The following DOCK2 variants were observed in gnomAD, a reference collection of about 807,000 sequenced individuals.
DOCK2 encodes the protein dedicator of cytokinesis protein 2.
A neutral mutation model predicts 248.9 loss-of-function variants in DOCK2; 87 were observed. The ratio of observed to expected loss-of-function variants is 0.35; its 90% CI spans 0.29 to 0.42. The LOEUF (loss-of-function observed/expected upper bound fraction) is 0.42, where lower values mean the gene tolerates loss of function less well. Among genes scored for constraint, DOCK2 ranks in the 10% least tolerant of loss-of-function variants. DOCK2 has a pLI of 1.00. For missense variants in DOCK2, 1,747 were observed against 2,300.2 expected (o/e 0.76, Z 4.92); for synonymous variants, 805 against 821.6 (o/e 0.98, Z 0.35).
chr5:169,857,404 A>G (rs1406823712), intron 27 of DOCK2, among the ~76,000 whole-genome samples: 1 of 152,186 alleles, frequency 6.6e-6, no homozygotes, highest in Non-Finnish European at 1.5e-5. Flanking sequence ...AGCAAACATT[A>G]GTGTCTTTTT....
At chr5:169,801,876 A>G (rs544086738) in intron 25 of DOCK2, among the ~76,000 whole-genome samples, 12 of 150,564 alleles carry the variant, frequency 8.0e-5, no homozygotes, top group Non-Finnish European at 1.8e-4. Context: ...GCAGAACCAC[A>G]TCTTATCTCT....
chr5:169,923,397 T>C (rs907070425), intron 27 of DOCK2, among the ~76,000 whole-genome samples: 9 of 152,254 alleles, frequency 5.9e-5, no homozygotes, highest in African/African-American at 2.2e-4. Context: ...GGCTCTAGTA[T>C]AGGATTTCAG....
At chr5:169,987,057 G>A (rs1778085381) in intron 29 of DOCK2, among the ~76,000 whole-genome samples, 1 of 152,344 alleles carries the variant, frequency 6.6e-6, no homozygotes, top group Admixed American at 6.5e-5. Context: ...CTTCAGGCAT[G>A]GATGTATCTA....
intron 32 of DOCK2, among the ~76,000 whole-genome samples, chr5:170,012,921 G>T (rs1030476018): frequency 2.6e-5 from 4 of 152,094 alleles, no homozygotes; most frequent in Admixed American, 6.6e-5. Context: ...GCCAAGCCTC[G>T]AGGGCAATTT....
chr5:169,644,149 A>T (rs528734493), intron 1 of DOCK2, among the ~76,000 whole-genome samples: 9 of 152,110 alleles, frequency 5.9e-5, no homozygotes, highest in Non-Finnish European at 1.2e-4. Context: ...CCTCGTAGGT[A>T]TTGTGAGGTC....
At chr5:169,828,953 A>G (rs1348668150) in intron 26 of DOCK2, among the ~76,000 whole-genome samples, 2 of 152,242 alleles carry the variant, frequency 1.3e-5, no homozygotes, top group Admixed American at 1.3e-4. Flanking sequence ...TATTTGTTTA[A>G]CAGTGTAAGA....
At chr5:169,674,984 T>G (rs1165128626) in intron 6 of DOCK2, among the ~76,000 whole-genome samples, 2 of 152,238 alleles carry the variant, frequency 1.3e-5, no homozygotes, top group African/African-American at 4.8e-5. Context: ...CCACTGATAA[T>G]AACATTATAA....
chr5:169,997,531 A>G (rs1754689759), intron 30 of DOCK2, among the ~76,000 whole-genome samples: 2 of 134,600 alleles, frequency 1.5e-5, no homozygotes, highest in African/African-American at 3.0e-5. Flanking sequence ...TCCTAGGCAG[A>G]GGTCCCTGCG....
At chr5:169,776,034 G>T (rs1765364399) in intron 25 of DOCK2, among the ~76,000 whole-genome samples, 1 of 151,782 alleles carries the variant, frequency 6.6e-6, no homozygotes, top group Non-Finnish European at 1.5e-5. Context: ...TGAGTTGATT[G>T]TAAGACATTT....
intron 27 of DOCK2, among the ~76,000 whole-genome samples, chr5:169,945,234 G>T (rs1425646395): frequency 6.6e-6 from 1 of 152,232 alleles, no homozygotes; most frequent in African/African-American, 2.4e-5. Context: ...ACCTCTCCAG[G>T]ACTGTGTTAT....
chr5:169,940,831 C>T (rs1157674666), intron 27 of DOCK2, among the ~76,000 whole-genome samples: 1 of 152,234 alleles, frequency 6.6e-6, no homozygotes, highest in African/African-American at 2.4e-5. Flanking sequence ...CGGTTCCTAC[C>T]TGGCCACAGA....
At chr5:169,739,395 T>C (rs971858222) in intron 22 of DOCK2, among the ~76,000 whole-genome samples, 4 of 152,202 alleles carry the variant, frequency 2.6e-5, no homozygotes, top group Admixed American at 6.5e-5. Context: ...ATGAGAAATT[T>C]CAGGAAAGGC....
chr5:169,671,403 G>A (rs1328189033), intron 5 of DOCK2, among the ~76,000 whole-genome samples: 1 of 152,158 alleles, frequency 6.6e-6, no homozygotes, highest in South Asian at 2.1e-4. Context: ...GTGAACCTTC[G>A]GTGTTTAGTG....
At chr5:170,050,459 C>G in intron 41 of DOCK2, 62 bp downstream of exon 41, 1 of 1,537,750 alleles carries the variant, frequency 6.5e-7, no homozygotes, top group Non-Finnish European at 8.7e-7. Context: ...AGGGCTGCAG[C>G]CCACAAAGAC....
intron 28 of DOCK2, among the ~76,000 whole-genome samples, chr5:169,984,969 A>G (rs1159174059): frequency 1.3e-5 from 2 of 152,154 alleles, no homozygotes; most frequent in East Asian, 3.8e-4. Flanking sequence ...ACCAGGCTGG[A>G]GAGCAGTGGC....
At chr5:169,918,467 C>T (rs982100181) in intron 27 of DOCK2, among the ~76,000 whole-genome samples, 9 of 152,168 alleles carry the variant, frequency 5.9e-5, no homozygotes, top group South Asian at 2.1e-4. Flanking sequence ...AAATGAACTA[C>T]AGAATATTCA....
intron 2 of DOCK2, among the ~76,000 whole-genome samples, chr5:169,658,880 A>G (rs1377467467): frequency 6.6e-6 from 1 of 151,880 alleles, no homozygotes; most frequent in Non-Finnish European, 1.5e-5. Context: ...AATAAGGCAA[A>G]AAAAGTATGA....
chr5:169,696,039 C>A (rs1760604581), intron 10 of DOCK2, 101 bp downstream of exon 10: 34 of 1,425,268 alleles, frequency 2.4e-5, no homozygotes, highest in Non-Finnish European at 2.9e-5. Context: ...CTGCTGCCCC[C>A]ACCCCTGCAA....
Position 170,008,482 on chromosome 5 carries a change from C to T in DOCK2, c.3073-15C>T, listed in dbSNP as rs1561878050. On this transcript the variant is annotated splice_polypyrimidine_tract_variant and intron_variant, in intron 30 of 51. Transcript: ENST00000520908. ...AGACCCTCTCCATAACTGTTCTCTG[C>T]TCTTTCATTTACAGCTGTGGAACAA... 1 of 1,613,816 alleles carries T rather than the reference C, an allele frequency of 6.2e-7. No homozygotes were observed. Among genetic ancestry groups the T allele is most frequent in the Non-Finnish European group, 8.5e-7 (1 of 1,179,694 alleles).
Sources: gnomAD v4.1 joint callset for allele counts (sites outside exome capture counted in the v4.1 genomes callset) on GRCh38, gnomAD v4.1.1 for gene constraint, MANE v1.5 for transcripts, NCBI Gene and HGNC (gene_info 2026-07-23, HGNC 2026-07-21) for gene names.